The following CCDC180 variants were observed in gnomAD, a reference collection of about 807,000 sequenced individuals.
The protein encoded by CCDC180 is coiled-coil domain-containing protein 180.
In CCDC180, 154 loss-of-function variants were observed where a neutral mutation model predicts 209.2. The observed-to-expected ratio is 0.74, with a 90% CI of 0.65 to 0.84. The LOEUF is 0.84. Ranked by LOEUF, CCDC180 falls within the 40% of genes least tolerant of loss-of-function variation. The probability of loss-of-function intolerance (pLI) is 0.00; values close to 1 mark genes in which losing one functional copy is unlikely to be tolerated. For synonymous variants in CCDC180, 778 were observed against 749.1 expected (o/e 1.04, Z -0.63); for missense variants, 1,874 against 1,997.3 (o/e 0.94, Z 1.18).
Position 97,343,523 on chromosome 9 carries a change from G to A in CCDC180, c.2458G>A (p.Val820Met). Residue 820 changes from valine (V) to methionine (M), a missense_variant, in exon 19 of 37, where the codon GTG becomes ATG. By Grantham distance (21) the Val-to-Met change is conservative. Transcript: ENST00000529487. Reference protein sequence around the residue: ...DTSSAKFIEQVTIPSRLILEI... With the variant: ...DTSSAKFIEQMTIPSRLILEI... ...TTCCAGTGCCAAGTTCATAGAACAA[G>A]TGACAATTCCATCGAGACTAATTTT... 6.2e-7 allele frequency: 1 copy of A among 1,613,892 alleles called. No individual in the cohort carries two copies. The highest frequency in any genetic ancestry group is 8.5e-7 in the Non-Finnish European group (1 of 1,179,926).
At chr9:97,357,587 G>A in intron 24 of CCDC180, 40 bp from the exon 25 acceptor site, 1 of 1,320,118 alleles carries the variant, frequency 7.6e-7, no homozygotes, top group East Asian at 2.3e-5. Context: ...ATCACAATAT[G>A]TATTCTAGAA....
chr9:97,321,964 C>T (rs7466408), intron 11 of CCDC180, among the ~76,000 whole-genome samples: 16,979 of 152,076 alleles, frequency 0.11, 2,719 homozygotes, highest in African/African-American at 0.35. Context: ...CTGCTGGCCA[C>T]GTGGGCTGCA....
rs759420956 is a variant in CCDC180 at position 97,363,608 on chromosome 9, A to G, written c.3903-443A>G. ...CACCACCTAATTTTTTAGCATAAGT[A>G]TGTCCCAAATACTGCATGTGATACA... is the stretch of plus-strand genomic sequence containing the variant. On this transcript the variant is annotated intron_variant, in intron 28 of 36. Coordinates refer to ENST00000529487, the MANE Select transcript of CCDC180 (RefSeq NM_020893.6). 1.1e-5 allele frequency: 6 copies of G among 534,222 alleles called. No homozygotes were observed. The East Asian group carries it at 2.7e-4, about 24-fold the overall frequency. The allele number at this position is 534,222 out of a possible 1,614,324, so 33.1% of individuals were successfully genotyped here.
Position 97,323,874 on chromosome 9 carries a change from A to G in CCDC180, c.1342A>G (p.Lys448Glu). 6.4e-7 allele frequency: 1 copy of G among 1,554,904 alleles called. No individual in the cohort carries two copies. Among genetic ancestry groups the G allele is most frequent in the Non-Finnish European group, 8.7e-7 (1 of 1,148,782 alleles). The change falls in exon 13 of 37, where the codon AAA becomes GAA. Residue 448 changes from lysine (K) to glutamate (E), a missense_variant. By Grantham distance (56) the Lys-to-Glu change is moderately conservative. Transcript: ENST00000529487. The part of the protein sequence containing the change: ...FFQMVGALQG[K>E]VEEDLELLDK... ...CCAGATGGTGGGAGCACTCCAGGGC[A>G]AAGTGGAGGAGGACCTGGAGCTCTT...
intron 9 of CCDC180, 83 bp downstream of exon 9, chr9:97,317,311 G>T: frequency 7.9e-7 from 1 of 1,271,894 alleles, no homozygotes. Context: ...CTCACTTTTT[G>T]CCATTACTTA....
rs765900790 is a variant in CCDC180 at position 97,376,787 on chromosome 9, G to T, written c.4867G>T (p.Glu1623Ter). 6.2e-7 allele frequency: 1 copy of T among 1,613,448 alleles called. No individual in the cohort carries two copies. Among genetic ancestry groups the T allele is most frequent in the Non-Finnish European group, 8.5e-7 (1 of 1,179,930 alleles). ...YLKYLASFEEELKRIQDDCTS... is the reference protein window; with the variant it reads ...YLKYLASFEE ...GAAATATTTAGCATCATTTGAGGAG[G>T]AGCTAAAGAGGATCCAGGATGACTG... The change falls in exon 37 of 37, where the codon GAG (glutamate) becomes TAG (stop). Residue 1623 changes from glutamate to a stop codon, truncating the protein, a stop_gained. Coordinates refer to ENST00000529487, the MANE Select transcript of CCDC180 (RefSeq NM_020893.6). LOFTEE classifies it low-confidence loss of function (END_TRUNC).
chr9:97,323,641 G>A (rs1342643360), intron 12 of CCDC180, 140 bp from the exon 13 acceptor site: 1 of 1,063,444 alleles, frequency 9.4e-7, no homozygotes, highest in African/African-American at 1.6e-5. Context: ...GACCCTAAGG[G>A]GAACAGAATT....
chr9:97,342,653 T>C (rs926858625), intron 18 of CCDC180, among the ~76,000 whole-genome samples: 1 of 152,194 alleles, frequency 6.6e-6, no homozygotes, highest in African/African-American at 2.4e-5. Context: ...TCTTCAACCT[T>C]CAACTGTATG....
intron 32 of CCDC180, 94 bp from the exon 33 acceptor site, chr9:97,370,547 T>C (rs2306090): frequency 0.21 from 303,600 of 1,421,074 alleles, 35,570 homozygotes; most frequent in East Asian, 0.43. Context: ...TCAGAGGACA[T>C]GAGTCTGGCC....
At position 97,366,436 on chromosome 9, in the gene CCDC180, C is replaced by A; in HGVS notation, c.4048-123C>A. 9.9e-7 allele frequency: 1 copy of A among 1,012,236 alleles called. No individual in the cohort carries two copies. Among genetic ancestry groups the A allele is most frequent in the East Asian group, 2.5e-5 (1 of 39,436 alleles). The allele number at this position is 1,012,236 out of a possible 1,614,324, so 62.7% of individuals were successfully genotyped here. On this transcript the variant is annotated intron_variant, in intron 30 of 36. Transcript: ENST00000529487. The surrounding 1 kb of genome is among the most constrained non-coding windows in gnomAD (Gnocchi z 4.3). ...GGAGGAGTGTCTGCTCGTGTCACTT[C>A]CACAGGGGATGCCACGAGCAAAGGC...
chr9:97,308,960 A>G, intron 2 of CCDC180, among the ~76,000 whole-genome samples: 1 of 151,382 alleles, frequency 6.6e-6, no homozygotes, highest in Non-Finnish European at 1.5e-5. Context: ...TCTAATTTCT[A>G]TAATTCTATA....
chr9:97,371,959 C>G (rs74352075), intron 34 of CCDC180: 3,149 of 286,436 alleles, frequency 0.011, 25 homozygotes, highest in Middle Eastern at 0.015. Context: ...GATACCTTTT[C>G]TAAGTATGAC....
At chr9:97,359,498 A>G (rs150315666) in intron 25 of CCDC180, among the ~76,000 whole-genome samples, 1 of 152,148 alleles carries the variant, frequency 6.6e-6, no homozygotes, top group African/African-American at 2.4e-5. Flanking sequence ...GCATTCCTGC[A>G]CACCTGTGGG....
At chr9:97,369,208 G>GGA (rs1198859347) in intron 31 of CCDC180, 1 of 152,098 alleles carries the variant, frequency 6.6e-6, no homozygotes, top group Non-Finnish European at 1.5e-5. Flanking sequence ...TGAAAATATG[G>GGA]GAGAGAGGTA....
chr9:97,336,147 G>A (rs1242116162), intron 18 of CCDC180, among the ~76,000 whole-genome samples: 1 of 151,978 alleles, frequency 6.6e-6, no homozygotes, highest in Non-Finnish European at 1.5e-5. Flanking sequence ...CTTTCGCTGT[G>A]CAGAAGCTCT....
intron 19 of CCDC180, among the ~76,000 whole-genome samples, chr9:97,343,861 A>G (rs1826166849): frequency 6.6e-6 from 1 of 152,158 alleles, no homozygotes; most frequent in Non-Finnish European, 1.5e-5. Flanking sequence ...TTTGGGTTCT[A>G]GTTCCTGGTA....
chr9:97,361,823 C>T lies in CCDC180; in HGVS notation c.3581C>T (p.Ser1194Phe). ...EAKLDVVTPE[S>F]FTQLSRVGKP... ...AAGCTGGACGTGGTCACCCCTGAGTCCTTCACCCAGCTGAGCCGCGTGGGG... is the reference window on the plus strand; with the variant it reads ...AAGCTGGACGTGGTCACCCCTGAGTTCTTCACCCAGCTGAGCCGCGTGGGG... The change falls in exon 27 of 37, where the codon TCC becomes TTC. Residue 1194 changes from serine to phenylalanine, a missense_variant. Coordinates refer to ENST00000529487, the MANE Select transcript of CCDC180 (RefSeq NM_020893.6). The T allele has an allele frequency of 1.2e-6, 2 of 1,614,188 alleles. No individual in the cohort carries two copies. Among genetic ancestry groups the T allele is most frequent in the Non-Finnish European group, 1.7e-6 (2 of 1,180,032 alleles).
chr9:97,370,613 C>T (rs372317050), intron 32 of CCDC180, 28 bp from the exon 33 acceptor site: 1 of 1,610,494 alleles, frequency 6.2e-7, no homozygotes, highest in Non-Finnish European at 8.5e-7. Flanking sequence ...TTAACATTGC[C>T]ACTGAATTCT....
intron 18 of CCDC180, among the ~76,000 whole-genome samples, chr9:97,342,722 C>G (rs1244347639): frequency 6.6e-6 from 1 of 152,190 alleles, no homozygotes; most frequent in Non-Finnish European, 1.5e-5. Flanking sequence ...TTGAATAGAT[C>G]AACTTAAACT....
Sources: gnomAD v4.1 joint callset for allele counts (sites outside exome capture counted in the v4.1 genomes callset) on GRCh38, gnomAD v4.1.1 for gene constraint, Gnocchi (gnomAD v3.1) non-coding constraint, MANE v1.5 for transcripts, NCBI Gene and HGNC (gene_info 2026-07-23, HGNC 2026-07-21) for gene names.